Variants in RAD51B observed in about 807,000 individuals in gnomAD.
RAD51B encodes DNA repair protein RAD51 homolog 2.
A neutral mutation model predicts 42.2 loss-of-function variants in RAD51B; 38 were observed. That is an observed-to-expected ratio of 0.90 (90% CI 0.70 to 1.18). The LOEUF is 1.18. Ranked by LOEUF, RAD51B falls within the 50% of genes most tolerant of loss-of-function variation. The pLI, the probability that RAD51B is intolerant of heterozygous loss-of-function variation, is 0.00. For synonymous variants in RAD51B, 154 were observed against 145.2 expected (o/e 1.06, Z -0.43); for missense variants, 373 against 400.7 (o/e 0.93, Z 0.59).
chr14:67,951,311 T>C (rs543697504), intron 7 of RAD51B, among the ~76,000 whole-genome samples: 1 of 151,510 alleles, frequency 6.6e-6, no homozygotes, highest in East Asian at 1.9e-4. Context: ...GTAATAATAA[T>C]ATCATTTTAT....
intron 10 of RAD51B, among the ~76,000 whole-genome samples, chr14:68,626,492 A>T (rs1892085660): frequency 6.6e-6 from 1 of 152,354 alleles, no homozygotes; most frequent in East Asian, 1.9e-4. Context: ...TGGAACGGCT[A>T]GGGCTGAAAT....
At chr14:68,338,621 G>C in intron 8 of RAD51B, 2 of 295,712 alleles carry the variant, frequency 6.8e-6, no homozygotes. Context: ...AGGCTATTTA[G>C]CTATCTCAAA....
In RAD51B at chr14:68,560,055, T is replaced by C. The variant is rs548195774; in HGVS notation, c.1037-34430T>C. 2.0e-5 allele frequency among the ~76,000 whole-genome samples: 3 copies of C among 152,282 alleles called. No homozygotes were observed. The East Asian group carries it at 5.8e-4, about 29-fold the overall frequency. On this transcript the variant is annotated intron_variant, in intron 10 of 10. Coordinates refer to the RAD51B transcript ENST00000487270. ...CACATACCCAGCAGAGCTACTTCTC[T>C]TCTCTGCCTCCTCCTTGCCCCATTT...
intron 8 of RAD51B, among the ~76,000 whole-genome samples, chr14:68,374,673 A>G (rs1329244455): frequency 6.6e-6 from 1 of 151,088 alleles, no homozygotes; most frequent in African/African-American, 2.4e-5. Flanking sequence ...TTTATCTTAA[A>G]TACACGCCTC....
intron 10 of RAD51B, among the ~76,000 whole-genome samples, chr14:68,492,675 A>G (rs1884168794): frequency 1.3e-5 from 2 of 152,242 alleles, no homozygotes; most frequent in Admixed American, 6.5e-5. Flanking sequence ...GGTACAGATT[A>G]TAAGGGGAAG....
intron 7 of RAD51B, among the ~76,000 whole-genome samples, chr14:68,273,594 A>G (rs963113429): frequency 5.3e-5 from 8 of 152,188 alleles, no homozygotes; most frequent in African/African-American, 1.9e-4. Context: ...TTCCACCTCT[A>G]CAGTGCAGAT....
intron 7 of RAD51B, among the ~76,000 whole-genome samples, chr14:67,892,498 CAG>C: frequency 6.6e-6 from 1 of 152,166 alleles, no homozygotes; most frequent in Non-Finnish European, 1.5e-5. Flanking sequence ...AGGGTTAATT[CAG>C]CTAGCATGGG....
At chr14:68,231,398 T>G (rs1011121285) in intron 7 of RAD51B, among the ~76,000 whole-genome samples, 5 of 152,200 alleles carry the variant, frequency 3.3e-5, no homozygotes, top group African/African-American at 1.2e-4. Flanking sequence ...TCTGGTCATT[T>G]GATCTATAAT....
intron 7 of RAD51B, among the ~76,000 whole-genome samples, chr14:67,999,052 G>T (rs2075434213): frequency 6.6e-6 from 1 of 151,692 alleles, no homozygotes; most frequent in African/African-American, 2.4e-5. Flanking sequence ...CTCTGCTTGG[G>T]GTTATCATTC....
At chr14:67,975,608 C>T (rs1053287874) in intron 7 of RAD51B, among the ~76,000 whole-genome samples, 3 of 152,172 alleles carry the variant, frequency 2.0e-5, no homozygotes, top group Admixed American at 6.5e-5. Flanking sequence ...ATTGCAGCCA[C>T]GTGCTGGAAG....
intron 10 of RAD51B, among the ~76,000 whole-genome samples, chr14:68,574,054 C>G (rs1421381310): frequency 6.6e-6 from 1 of 151,930 alleles, no homozygotes; most frequent in Non-Finnish European, 1.5e-5. Context: ...TCCACCCCCA[C>G]CCCTACTCCA....
At chr14:68,442,460 T>TTG (rs2085322457) in intron 9 of RAD51B, among the ~76,000 whole-genome samples, 1 of 146,688 alleles carries the variant, frequency 6.8e-6, no homozygotes, top group Non-Finnish European at 1.5e-5. Flanking sequence ...TTTTTTTTTT[T>TTG]AGCTAGAGTC....
chr14:68,202,591 T>G (rs2759405), intron 7 of RAD51B, among the ~76,000 whole-genome samples: 22,671 of 145,622 alleles, frequency 0.16, 2,290 homozygotes, highest in Middle Eastern at 0.33. Context: ...TTTTTTTTTT[T>G]TTTTTTTTGA....
At chr14:68,380,105 A>G (rs3784115) in intron 8 of RAD51B, among the ~76,000 whole-genome samples, 67,568 of 152,046 alleles carry the variant, frequency 0.44, 16,801 homozygotes, top group South Asian at 0.59. Flanking sequence ...TCATTCTCTT[A>G]AATTGCCTCT....
intron 7 of RAD51B, among the ~76,000 whole-genome samples, chr14:68,274,493 C>T (rs2081182658): frequency 6.6e-6 from 1 of 152,158 alleles, no homozygotes; most frequent in Admixed American, 6.5e-5. Context: ...ATCCAATACC[C>T]AGCCCAAAAT....
chr14:68,034,798 A>G (rs569408563), intron 7 of RAD51B, among the ~76,000 whole-genome samples: 5 of 152,286 alleles, frequency 3.3e-5, no homozygotes, highest in Non-Finnish European at 7.4e-5. Context: ...TCCCAAGGCA[A>G]AAGTTCTTCA....
At chr14:68,199,696 A>G (rs1186879669) in intron 7 of RAD51B, among the ~76,000 whole-genome samples, 1 of 152,188 alleles carries the variant, frequency 6.6e-6, no homozygotes, top group Non-Finnish European at 1.5e-5. Context: ...GACCCAATAG[A>G]GGATGTCTAC....
At chr14:68,052,435 G>A (rs1301038705) in intron 7 of RAD51B, among the ~76,000 whole-genome samples, 1 of 149,044 alleles carries the variant, frequency 6.7e-6, no homozygotes, top group Non-Finnish European at 1.5e-5. Context: ...TAACTAATTT[G>A]CCAAGCCAGC....
At chr14:67,980,527 G>T (rs80263890) in intron 7 of RAD51B, among the ~76,000 whole-genome samples, 3 of 152,282 alleles carry the variant, frequency 2.0e-5, no homozygotes, top group East Asian at 1.9e-4. Context: ...TCAAGGCAGG[G>T]TATTGGCATA....
Sources: allele counts gnomAD v4.1 joint callset (sites outside exome capture counted in the v4.1 genomes callset), GRCh38; gene constraint gnomAD v4.1.1; transcripts MANE v1.5; gene names NCBI Gene and HGNC (gene_info 2026-07-23, HGNC 2026-07-21).